The following GDAP1 variants were observed in gnomAD, a reference collection of about 807,000 sequenced individuals.
The protein encoded by GDAP1 is ganglioside-induced differentiation-associated protein 1.
Under a neutral mutation model 40.1 loss-of-function variants are expected in GDAP1, and 34 were observed. The ratio of observed to expected loss-of-function variants is 0.85; its 90% CI spans 0.64 to 1.13. The LOEUF is 1.13. Among genes scored for constraint, GDAP1 ranks in the 50% most tolerant of loss-of-function variants. The probability of loss-of-function intolerance (pLI) is 0.00; values close to 1 mark genes in which losing one functional copy is unlikely to be tolerated. For missense variants in GDAP1, 374 were observed against 433.7 expected, an observed-to-expected ratio of 0.86 and a Z score of 1.22; for synonymous variants, 170 against 157.4, an observed-to-expected ratio of 1.08 and a Z score of -0.60.
At chr8:74,398,050 T>A (rs1319146004) in intron 2 of GDAP1, among the ~76,000 whole-genome samples, 1 of 151,484 alleles carries the variant, frequency 6.6e-6, no homozygotes, top group African/African-American at 2.4e-5. Context: ...GGTTTGTAGT[T>A]CTCCTTGAAG....
intron 2 of GDAP1, among the ~76,000 whole-genome samples, chr8:74,404,320 C>T: frequency 6.7e-6 from 1 of 148,928 alleles, no homozygotes; most frequent in East Asian, 1.9e-4. Context: ...ACTTTTTCAC[C>T]AACCTATAGT....
intron 2 of GDAP1, among the ~76,000 whole-genome samples, chr8:74,449,193 T>C (rs1364982016): frequency 6.6e-6 from 1 of 151,970 alleles, no homozygotes; most frequent in Non-Finnish European, 1.5e-5. Flanking sequence ...TGTTCTATTT[T>C]ATTGATCTAT....
chr8:74,475,491 C>G (rs1234474168), intron 2 of GDAP1, among the ~76,000 whole-genome samples: 1 of 152,202 alleles, frequency 6.6e-6, no homozygotes, highest in Non-Finnish European at 1.5e-5. Context: ...TATCTTTGTT[C>G]TCATTAGTTT....
At chr8:74,459,588 GAAACTA>G (rs1355872588) in intron 2 of GDAP1, among the ~76,000 whole-genome samples, 30 of 152,118 alleles carry the variant, frequency 2.0e-4, no homozygotes, top group Admixed American at 1.9e-3. Flanking sequence ...TGTGGAACCA[GAAACTA>G]ATACTATTTA....
intron 2 of GDAP1, among the ~76,000 whole-genome samples, chr8:74,424,021 C>T (rs920852922): frequency 1.3e-5 from 2 of 152,106 alleles, no homozygotes; most frequent in African/African-American, 4.8e-5. Context: ...GTAAATACAA[C>T]TGTTCCTAAG....
rs1489873946 is a variant in GDAP1 at position 74,377,970 on chromosome 8, C to G, written c.165+26649C>G. Among the ~76,000 whole-genome samples, 3 of 152,158 alleles carry G rather than the reference C, an allele frequency of 2.0e-5. No homozygotes were observed. The East Asian group carries it at 5.8e-4, about 29-fold the overall frequency. ...AGAGAACAAACCATTAATATGTACA[C>G]TAATATAGATGAATTTCAAAAAACA... On this transcript the variant is annotated intron_variant, in intron 2 of 2. Transcript: ENST00000523640.
intron 2 of GDAP1, among the ~76,000 whole-genome samples, chr8:74,463,388 G>A (rs571063361): frequency 6.6e-6 from 1 of 151,150 alleles, no homozygotes; most frequent in African/African-American, 2.4e-5. Flanking sequence ...TTGAGCCCGG[G>A]AGTTCTAGGC....
At chr8:74,392,570 A>T (rs1410156754) in intron 2 of GDAP1, among the ~76,000 whole-genome samples, 1 of 152,198 alleles carries the variant, frequency 6.6e-6, no homozygotes, top group Non-Finnish European at 1.5e-5. Context: ...CATATTATAT[A>T]CTAGTGAGAA....
At chr8:74,460,441 C>A (rs1476177705) in intron 2 of GDAP1, among the ~76,000 whole-genome samples, 2 of 152,204 alleles carry the variant, frequency 1.3e-5, no homozygotes, top group East Asian at 3.8e-4. Context: ...TCTGACCCTG[C>A]AACTTCATGT....
intron 2 of GDAP1, among the ~76,000 whole-genome samples, chr8:74,385,512 CCT>C (rs1810013264): frequency 6.6e-6 from 1 of 152,132 alleles, no homozygotes; most frequent in African/African-American, 2.4e-5. Context: ...ACGAACTCAT[CCT>C]TTTTTGTGGT....
chr8:74,463,012 A>C (rs190885190), intron 2 of GDAP1, among the ~76,000 whole-genome samples: 1 of 149,616 alleles, frequency 6.7e-6, no homozygotes, highest in African/African-American at 2.5e-5. Flanking sequence ...CAGACAGTAC[A>C]TGAAAGCTTA....
At chr8:74,405,531 A>G (rs1805627245) in intron 2 of GDAP1, among the ~76,000 whole-genome samples, 1 of 150,110 alleles carries the variant, frequency 6.7e-6, no homozygotes, top group African/African-American at 2.5e-5. Context: ...ACTGAAGCAA[A>G]CTAAAGTTTA....
intron 2 of GDAP1, among the ~76,000 whole-genome samples, chr8:74,457,089 A>G (rs1287513171): frequency 6.6e-6 from 1 of 152,096 alleles, no homozygotes; most frequent in Non-Finnish European, 1.5e-5. Context: ...TTGTAAATTC[A>G]TTCTGTAATT....
chr8:74,370,132 AGGG>A (rs201647773), downstream of GDAP1, among the ~76,000 whole-genome samples: 32 of 152,376 alleles, frequency 2.1e-4, no homozygotes, highest in East Asian at 6.0e-3. Context: ...ATCCACAGAG[AGGG>A]GAAAGAAAAG....
intron 2 of GDAP1, among the ~76,000 whole-genome samples, chr8:74,467,350 C>T (rs1397868840): frequency 1.3e-5 from 2 of 152,090 alleles, no homozygotes; most frequent in Admixed American, 6.6e-5. Flanking sequence ...GGTTTCTGAG[C>T]CAGGTTCAGC....
At position 74,482,956 on chromosome 8, in the gene GDAP1, TC is replaced by T. The variant is rs1348609416; in HGVS notation, c.166-5720del. Among the ~76,000 whole-genome samples, 15 of 152,312 alleles carry T rather than the reference TC, an allele frequency of 9.8e-5. No homozygotes were observed. The East Asian group carries it at 2.9e-3, about 29-fold the overall frequency. The stretch of plus-strand genomic sequence containing the variant: ...CAGACATGGGCTCTGGAGTCAGACT[TC>T]CTGGACTTGAATTCTGCTTGTGCCA... On this transcript the variant is annotated intron_variant, in intron 2 of 2. Transcript: ENST00000523640.
At position 74,417,757 on chromosome 8, in the gene GDAP1, C is replaced by CAA. The variant is rs71269993; in HGVS notation, c.165+66457_165+66458dup. 5.4e-3 allele frequency among the ~76,000 whole-genome samples: 408 copies of CAA among 75,774 alleles called. 7 individuals are homozygous for CAA. Among genetic ancestry groups the CAA allele is most frequent in the African/African-American group, 0.019 (329 of 17,186 alleles). The allele number at this position is 75,774 out of a possible 152,430, so 49.7% of individuals were successfully genotyped here. A position where few individuals can be genotyped will look rare whatever the true frequency, so the allele number is the denominator to read the frequency against. On this transcript the variant is annotated intron_variant, in intron 2 of 2. Coordinates refer to the GDAP1 transcript ENST00000523640. ...GAGCAACAAGAGTGAAACTCCATCT[C>CAA]AAAAAAAAAAAAAAAAAAAAAAGGA...
At chr8:74,393,479 C>T (rs1374317896) in intron 2 of GDAP1, among the ~76,000 whole-genome samples, 1 of 152,020 alleles carries the variant, frequency 6.6e-6, no homozygotes, top group Non-Finnish European at 1.5e-5. Context: ...TGTGCATAAA[C>T]TGTGTGAGGT....
chr8:74,483,005 T>A (rs1190206537), intron 2 of GDAP1, among the ~76,000 whole-genome samples: 1 of 152,154 alleles, frequency 6.6e-6, no homozygotes, highest in Non-Finnish European at 1.5e-5. Context: ...GTAACTTGAA[T>A]AAGTTACTTA....
Sources: allele counts gnomAD v4.1 joint callset (sites outside exome capture counted in the v4.1 genomes callset), GRCh38; gene constraint gnomAD v4.1.1; transcripts MANE v1.5; gene names NCBI Gene and HGNC (gene_info 2026-07-23, HGNC 2026-07-21).